The following CD109 variants were observed in gnomAD, a reference collection of about 807,000 sequenced individuals.
CD109 encodes CD109 antigen.
CD109 carries 149 observed loss-of-function variants against 165.8 expected under a neutral mutation model. The ratio of observed to expected loss-of-function variants is 0.90; its 90% confidence interval spans 0.79 to 1.03. The LOEUF (loss-of-function observed/expected upper bound fraction) is 1.03. Among genes scored for constraint, CD109 ranks in the 50% least tolerant of loss-of-function variants. CD109 has a pLI of 0.00. For synonymous variants in CD109, 585 were observed against 592.1 expected, an observed-to-expected ratio of 0.99 and a Z score of 0.18; for missense variants, 1,712 against 1,677.8, an observed-to-expected ratio of 1.02 and a Z score of -0.36.
At chr6:73,682,413 A>C in the CD109 span, among the ~76,000 whole-genome samples, 4 of 152,262 alleles carry the variant, frequency 2.6e-5, no homozygotes, top group Non-Finnish European at 5.9e-5. Flanking sequence ...CATGTCTCAC[A>C]TCCAGGTCAT....
the CD109 span, among the ~76,000 whole-genome samples, chr6:73,684,020 A>T: frequency 6.6e-6 from 1 of 152,162 alleles, no homozygotes. Flanking sequence ...TTATCTGTTG[A>T]TGGGCATTTA....
chr6:73,773,475 G>C (rs1183177715), intron 15 of CD109, among the ~76,000 whole-genome samples: 2 of 151,542 alleles, frequency 1.3e-5, no homozygotes, highest in Non-Finnish European at 2.9e-5. Context: ...TTTTCTAATG[G>C]GGACTTTTTC....
At chr6:73,713,087 T>A (rs1024133068) in intron 2 of CD109, among the ~76,000 whole-genome samples, 4 of 151,942 alleles carry the variant, frequency 2.6e-5, no homozygotes, top group Non-Finnish European at 5.9e-5. Flanking sequence ...GCCCCCACTC[T>A]CCTCCCCGCT....
chr6:73,720,104 A>T (rs1422177101), intron 2 of CD109, among the ~76,000 whole-genome samples: 1 of 152,204 alleles, frequency 6.6e-6, no homozygotes. Context: ...AGTGTCCATC[A>T]ATGGATAAAT....
intron 7 of CD109, among the ~76,000 whole-genome samples, chr6:73,759,269 T>C (rs41265529): frequency 0.1 from 15,583 of 152,092 alleles, 1,309 homozygotes; most frequent in African/African-American, 0.23. Context: ...CTTAGACTTA[T>C]TAAGGGATTT....
Position 73,756,687 on chromosome 6 carries a change from G to T in CD109, c.673+5G>T. 6.5e-7 allele frequency: 1 copy of T among 1,530,762 alleles called. No individual in the cohort carries two copies. Among genetic ancestry groups the T allele is most frequent in the South Asian group, 1.2e-5 (1 of 80,252 alleles). The allele number at this position is 1,530,762 out of a possible 1,614,324, so 94.8% of individuals were successfully genotyped here. The stretch of plus-strand genomic sequence containing the variant: ...CATTTCAGGTTTCAGAATATGGTAA[G>T]AGTTCCTCAATCTATTTTGGAAGAA... On this transcript the variant is annotated splice_donor_5th_base_variant and intron_variant, in intron 6 of 32. Coordinates refer to ENST00000287097, the MANE Select transcript of CD109 (RefSeq NM_133493.5).
chr6:73,679,442 C>T, the CD109 span, among the ~76,000 whole-genome samples: 4 of 151,218 alleles, frequency 2.6e-5, no homozygotes, highest in East Asian at 1.9e-4. Context: ...AGGTTTCTGC[C>T]GTTTACAATT....
chr6:73,805,601 TC>T (rs1212382501), intron 24 of CD109, among the ~76,000 whole-genome samples: 1 of 152,270 alleles, frequency 6.6e-6, no homozygotes, highest in African/African-American at 2.4e-5. Flanking sequence ...GACGGTCAGG[TC>T]TTTCCCTTCC....
At chr6:73,781,794 CAG>C (rs1428709850) in intron 17 of CD109, among the ~76,000 whole-genome samples, 53 of 112,770 alleles carry the variant, frequency 4.7e-4, no homozygotes, top group African/African-American at 1.7e-3. Context: ...CACACACACA[CAG>C]AGACATAGAC....
In CD109 at chr6:73,807,003, T is replaced by A. The variant is rs747546468; in HGVS notation, c.3120T>A (p.Gly1040=). 5.0e-6 allele frequency: 8 copies of A among 1,613,894 alleles called. No homozygotes were observed. The highest frequency in any genetic ancestry group is 1.3e-5 in the African/African-American group (1 of 74,914). The part of the protein sequence containing the change: ...PGRVIHSELQ[G]GNKSPVTLTA... ...GAGTGATTCATAGTGAGCTTCAAGG[T>A]GGCAATAAAAGTCCAGTAACACTTA... The change falls in exon 25 of 33, where the codon GGT becomes GGA. Residue 1040 remains glycine, a synonymous_variant. Transcript: ENST00000287097.
intron 14 of CD109, among the ~76,000 whole-genome samples, chr6:73,770,430 A>T (rs1773994151): frequency 6.6e-6 from 1 of 152,174 alleles, no homozygotes; most frequent in Non-Finnish European, 1.5e-5. Context: ...GAATGTTGAG[A>T]TAGAGCTAGA....
upstream of CD109, chr6:73,694,586 T>C (rs954505384): frequency 6.6e-6 from 1 of 152,290 alleles, no homozygotes; most frequent in Non-Finnish European, 1.5e-5. Flanking sequence ...TGTTCTTAAT[T>C]GCCTTTGCTC....
intron 29 of CD109, among the ~76,000 whole-genome samples, chr6:73,813,661 A>G (rs913215723): frequency 6.6e-6 from 1 of 152,158 alleles, no homozygotes; most frequent in Non-Finnish European, 1.5e-5. Context: ...ATGAGTTTGC[A>G]GTAAATATTA....
intron 14 of CD109, 118 bp from the exon 15 acceptor site, chr6:73,771,311 A>C: frequency 1.3e-6 from 1 of 748,002 alleles, no homozygotes; most frequent in Admixed American, 3.3e-5. Context: ...TTTTAGAATT[A>C]TCCCTGAGCC....
At chr6:73,758,315 C>T (rs1773477021) in intron 6 of CD109, among the ~76,000 whole-genome samples, 1 of 152,066 alleles carries the variant, frequency 6.6e-6, no homozygotes, top group Non-Finnish European at 1.5e-5. Context: ...AAGAAACACA[C>T]ATTTTTTACT....
At chr6:73,681,324 TTGTGTG>T in the CD109 span, among the ~76,000 whole-genome samples, 8,406 of 145,634 alleles carry the variant, frequency 0.058, 383 homozygotes, top group Admixed American at 0.17. Context: ...CAGTTACCAT[TTGTGTG>T]TGTGTGTGTG....
intron 15 of CD109, among the ~76,000 whole-genome samples, chr6:73,773,947 G>T (rs1027683213): frequency 2.0e-5 from 3 of 151,514 alleles, no homozygotes; most frequent in African/African-American, 7.3e-5. Context: ...TGTCTTTTCT[G>T]TGTTTCTCTG....
In CD109 at chr6:73,697,583, C is replaced by T; in HGVS notation, c.247+11C>T. On this transcript the variant is annotated intron_variant, in intron 2 of 32. Transcript: ENST00000287097. ...GAGTCTTTGAAAAAGGTAAGATAAA[C>T]AGCATAAAGTCTTACCCTTCTGCAG... The T allele has an allele frequency of 6.2e-7, 1 of 1,610,786 alleles. No individual in the cohort carries two copies. The highest frequency in any genetic ancestry group is 8.5e-7 in the Non-Finnish European group (1 of 1,177,302).
chr6:73,755,191 C>T (rs62438665), intron 5 of CD109, among the ~76,000 whole-genome samples: 121 of 152,184 alleles, frequency 8.0e-4, no homozygotes, highest in African/African-American at 1.6e-3. Context: ...GAATCAAATA[C>T]GTGTAATTTA....
Sources: gnomAD v4.1 joint callset for allele counts (sites outside exome capture counted in the v4.1 genomes callset) on GRCh38, gnomAD v4.1.1 for gene constraint, MANE v1.5 for transcripts, NCBI Gene and HGNC (gene_info 2026-07-23, HGNC 2026-07-21) for gene names.